Variants in TRAPPC10 observed in about 807,000 individuals in gnomAD.
TRAPPC10 encodes TRAPP 130 kDa subunit.
A neutral mutation model predicts 125.5 loss-of-function variants in TRAPPC10; 23 were observed. The observed-to-expected ratio is 0.18, with a 90% CI of 0.13 to 0.26. TRAPPC10 has a LOEUF of 0.26. Among genes scored for constraint, TRAPPC10 ranks in the 10% least tolerant of loss-of-function variants. The pLI, the probability that TRAPPC10 is intolerant of heterozygous loss-of-function variation, is 1.00. For missense variants in TRAPPC10, 1,123 were observed against 1,308.4 expected, an observed-to-expected ratio of 0.86 and a Z score of 2.19; for synonymous variants, 509 against 518.0, an observed-to-expected ratio of 0.98 and a Z score of 0.24.
chr21:44,087,548 T>G lies in TRAPPC10; in HGVS notation c.2540-151T>G, dbSNP rs2038228004. 2 of 677,194 alleles carry G rather than the reference T, an allele frequency of 3.0e-6. No individual in the cohort carries two copies. Among genetic ancestry groups the G allele is most frequent in the Non-Finnish European group, 5.2e-6 (2 of 385,850 alleles). 41.9% of individuals were successfully genotyped at this position (677,194 alleles called of 1,614,324 possible). On this transcript the variant is annotated intron_variant, in intron 16 of 22. Coordinates refer to ENST00000291574, the MANE Select transcript of TRAPPC10 (RefSeq NM_003274.5). This position sits in a 1 kb window ranked among gnomAD's most constrained non-coding sequence, Gnocchi z 4.6. ...GCTTTCACACAGGGCTGCTCTGTCC[T>G]AGGGGCCTTGTTCTTGGGTTTGCCT...
chr21:44,015,155 A>G (rs2031673577), intron 1 of TRAPPC10, among the ~76,000 whole-genome samples: 1 of 152,204 alleles, frequency 6.6e-6, no homozygotes, highest in Non-Finnish European at 1.5e-5. Flanking sequence ...TTGAAATGGT[A>G]TTACCTCAGA....
chr21:44,016,735 T>C (rs1245632637), intron 1 of TRAPPC10, among the ~76,000 whole-genome samples: 3 of 152,212 alleles, frequency 2.0e-5, no homozygotes, highest in East Asian at 3.8e-4. Context: ...CTTGGCTAAC[T>C]GCAAGCTCCG....
In TRAPPC10 at chr21:44,059,066, T is replaced by C; in HGVS notation, c.679-37T>C. ...TGTTTCTTCTATACATTGATTTATG[T>C]TTTTGTTTTTTTAAAAAACGTATCT... On this transcript the variant is annotated intron_variant, in intron 5 of 22. Transcript: ENST00000291574. The surrounding 1 kb of genome is among the most constrained non-coding windows in gnomAD (Gnocchi z 4.4). The C allele has an allele frequency of 6.6e-7, 1 of 1,506,976 alleles. No homozygotes were observed. The highest frequency in any genetic ancestry group is 1.2e-5 in the South Asian group (1 of 80,616). The allele number at this position is 1,506,976 out of a possible 1,614,324, so 93.4% of individuals were successfully genotyped here. A position where few individuals can be genotyped will look rare whatever the true frequency, so the allele number is the denominator to read the frequency against.
At position 44,063,578 on chromosome 21, in the gene TRAPPC10, G is replaced by A; in HGVS notation, c.831G>A (p.Lys277=). 1.2e-6 allele frequency: 2 copies of A among 1,614,196 alleles called. No homozygotes were observed. Among genetic ancestry groups the A allele is most frequent in the Non-Finnish European group, 1.7e-6 (2 of 1,180,036 alleles). The stretch of plus-strand genomic sequence containing the variant: ...TGACTTTTTTCTGCCAGCCAGTGAA[G>A]AGCTGGAACGGATTGATCCTCCGAA... ...NWLTFFCQPV[K]SWNGLILRKP... Residue 277 remains lysine, a synonymous_variant, in exon 7 of 23, where the codon AAG becomes AAA. Transcript: ENST00000291574. This position sits in a 1 kb window ranked among gnomAD's most constrained non-coding sequence, Gnocchi z 4.4.
At chr21:44,045,971 G>C (rs1286357023) in intron 3 of TRAPPC10, among the ~76,000 whole-genome samples, 1 of 148,224 alleles carries the variant, frequency 6.7e-6, no homozygotes, top group Non-Finnish European at 1.5e-5. Context: ...TTTCTTTTTT[G>C]TGGGGGTGGA....
rs115196962 is a variant in TRAPPC10, at chr21:44,089,623, G to A, written c.2770-210G>A. ...TGCATGTCTTGCCAGTTCTGCGTTC[G>A]TTTCTCTTGTCTGTATGCATAGCTT... On this transcript the variant is annotated intron_variant, in intron 17 of 22. Coordinates refer to ENST00000291574, the MANE Select transcript of TRAPPC10 (RefSeq NM_003274.5). The A allele has an allele frequency of 4.8e-3, 2,811 of 587,334 alleles. 65 individuals are homozygous for A. Among genetic ancestry groups the A allele is most frequent in the African/African-American group, 0.046 (2,481 of 54,364 alleles). 36.4% of individuals were successfully genotyped at this position (587,334 alleles called of 1,614,324 possible).
At chr21:44,081,880 A>G (rs1282535620) in intron 13 of TRAPPC10, among the ~76,000 whole-genome samples, 1 of 152,084 alleles carries the variant, frequency 6.6e-6, no homozygotes, top group Non-Finnish European at 1.5e-5. Flanking sequence ...CCCTGTCTCA[A>G]AGAAAGGGGG....
intron 2 of TRAPPC10, among the ~76,000 whole-genome samples, chr21:44,034,899 C>T (rs1013293653): frequency 9.2e-5 from 14 of 152,158 alleles, no homozygotes; most frequent in South Asian, 4.1e-4. Context: ...GGGAGAGAAG[C>T]AAGGAACCTC....
chr21:44,014,509 G>A (rs574498878), intron 1 of TRAPPC10, among the ~76,000 whole-genome samples: 2 of 151,886 alleles, frequency 1.3e-5, no homozygotes, highest in South Asian at 4.2e-4. Context: ...GGGTTCAAGC[G>A]ATTCTCCTTC....
At position 44,063,266 on chromosome 21, in the gene TRAPPC10, G is replaced by A. The variant is rs1423265322; in HGVS notation, c.791-272G>A. On this transcript the variant is annotated intron_variant, in intron 6 of 22. Coordinates refer to ENST00000291574, the MANE Select transcript of TRAPPC10 (RefSeq NM_003274.5). This position sits in a 1 kb window ranked among gnomAD's most constrained non-coding sequence, Gnocchi z 4.4. The stretch of plus-strand genomic sequence containing the variant: ...GCTCCCCTAACCATGTAGCCTGTCT[G>A]TCTCTGGGTGACTTCCCAACCTGTT... The A allele has an allele frequency of 8.8e-6, 11 of 1,249,060 alleles. No individual in the cohort carries two copies. Among genetic ancestry groups the A allele is most frequent in the Non-Finnish European group, 8.2e-6 (8 of 970,206 alleles). 77.4% of individuals were successfully genotyped at this position (1,249,060 alleles called of 1,614,324 possible). A position where few individuals can be genotyped will look rare whatever the true frequency, so the allele number is the denominator to read the frequency against.
Position 44,037,897 on chromosome 21 carries a change from C to G in TRAPPC10, c.255C>G (p.Pro85=). 1 of 1,613,978 alleles carries G rather than the reference C, an allele frequency of 6.2e-7. No homozygotes were observed. Among genetic ancestry groups the G allele is most frequent in the East Asian group, 2.2e-5 (1 of 44,880 alleles). ...KEGNKALLTF[P]FLHIYWTECC... is the part of the protein sequence containing the mutation. The stretch of plus-strand genomic sequence containing the variant: ...GAAACAAAGCTCTGCTCACGTTTCC[C>G]TTCCTCCATATTTACTGGACAGAGT... The change falls in exon 3 of 23, where the codon CCC becomes CCG. Residue 85 remains proline (P), a synonymous_variant. Coordinates refer to ENST00000291574, the MANE Select transcript of TRAPPC10 (RefSeq NM_003274.5).
intron 3 of TRAPPC10, 49 bp from the exon 4 acceptor site, chr21:44,052,231 C>G: frequency 6.7e-7 from 1 of 1,486,142 alleles, no homozygotes; most frequent in Non-Finnish European, 9.1e-7. Flanking sequence ...GCTGTATAAA[C>G]TAAAGGGCAT....
At chr21:44,074,965 T>C in intron 8 of TRAPPC10, 74 bp from the exon 9 acceptor site, 1 of 1,135,470 alleles carries the variant, frequency 8.8e-7, no homozygotes, top group South Asian at 1.4e-5. Flanking sequence ...GATTTGAATT[T>C]TTATATTTAA....
At chr21:44,054,752 T>C (rs570736591) in intron 4 of TRAPPC10, among the ~76,000 whole-genome samples, 7 of 152,328 alleles carry the variant, frequency 4.6e-5, no homozygotes, top group African/African-American at 1.4e-4. Flanking sequence ...TTGTTAATTG[T>C]TTATTAACCT....
At chr21:44,029,520 G>T (rs1013144900) in intron 1 of TRAPPC10, among the ~76,000 whole-genome samples, 3 of 152,164 alleles carry the variant, frequency 2.0e-5, no homozygotes, top group African/African-American at 7.2e-5. Context: ...TGAGAAAATG[G>T]TGGTGATTTT....
chr21:44,034,492 G>T (rs756564159), intron 2 of TRAPPC10, among the ~76,000 whole-genome samples: 1 of 152,120 alleles, frequency 6.6e-6, no homozygotes, highest in Non-Finnish European at 1.5e-5. Flanking sequence ...GCTCCGCTCC[G>T]GGAACTCTGT....
intron 8 of TRAPPC10, among the ~76,000 whole-genome samples, chr21:44,074,731 T>G (rs942971257): frequency 6.6e-6 from 1 of 152,214 alleles, no homozygotes; most frequent in Non-Finnish European, 1.5e-5. Context: ...ACGAGGGTGG[T>G]GCTGAAATGT....
intron 1 of TRAPPC10, among the ~76,000 whole-genome samples, chr21:44,019,366 A>G (rs931125342): frequency 6.6e-6 from 1 of 152,142 alleles, no homozygotes; most frequent in Non-Finnish European, 1.5e-5. Flanking sequence ...AGGGTCTTAA[A>G]CAGTCAAAAC....
intron 1 of TRAPPC10, among the ~76,000 whole-genome samples, chr21:44,019,671 C>G (rs2032274603): frequency 1.3e-5 from 2 of 152,248 alleles, no homozygotes; most frequent in South Asian, 4.1e-4. Flanking sequence ...ACATCTTGAG[C>G]TCCTGAACTT....
Sources: gnomAD v4.1 joint callset for allele counts (sites outside exome capture counted in the v4.1 genomes callset) on GRCh38, gnomAD v4.1.1 for gene constraint, Gnocchi (gnomAD v3.1) non-coding constraint, MANE v1.5 for transcripts, NCBI Gene and HGNC (gene_info 2026-07-23, HGNC 2026-07-21) for gene names.